PHF24: variants seen among roughly 807,000 people sequenced by gnomAD.
PHF24 encodes the protein PHD finger protein 24.
In PHF24, 25 loss-of-function variants were observed where a neutral mutation model predicts 42.6. The observed-to-expected ratio is 0.59, with a 90% CI of 0.43 to 0.82. The LOEUF (loss-of-function observed/expected upper bound fraction) is 0.82, where lower values mean the gene tolerates loss of function less well. PHF24 is among the 40% of genes least tolerant of loss of function. The pLI, the probability that PHF24 is intolerant of heterozygous loss-of-function variation, is 0.00. For missense variants in PHF24, 470 were observed against 538.1 expected (o/e 0.87, Z 1.25); for synonymous variants, 185 against 204.8 (o/e 0.90, Z 0.83).
exon 8 of PHF24, chr9:34,978,809 C>A: frequency 6.6e-6 from 1 of 152,324 alleles, no homozygotes. Flanking sequence ...AGAATCCTGA[C>A]TGGAAGAGGG....
At chr9:34,911,314 G>C in the PHF24 span, among the ~76,000 whole-genome samples, 1 of 151,950 alleles carries the variant, frequency 6.6e-6, no homozygotes, top group Admixed American at 6.5e-5. Flanking sequence ...GAGTGCAGTG[G>C]CATGATCTTG....
the PHF24 span, among the ~76,000 whole-genome samples, chr9:34,761,943 G>A: frequency 2.3e-4 from 35 of 151,900 alleles, no homozygotes; most frequent in African/African-American, 7.3e-4. Flanking sequence ...GAGAATATGC[G>A]GTGTTTGGTT....
chr9:34,700,367 G>C, the PHF24 span, among the ~76,000 whole-genome samples: 1 of 151,682 alleles, frequency 6.6e-6, no homozygotes, highest in African/African-American at 2.4e-5. Context: ...AGGAGATGAT[G>C]GTGCATGGAG....
At chr9:34,938,983 AT>A in the PHF24 span, among the ~76,000 whole-genome samples, 25 of 151,178 alleles carry the variant, frequency 1.7e-4, no homozygotes, top group East Asian at 4.1e-3. Context: ...TTAAAAAAAA[AT>A]AATATAATAA....
At chr9:34,880,245 C>T in the PHF24 span, among the ~76,000 whole-genome samples, 1 of 152,184 alleles carries the variant, frequency 6.6e-6, no homozygotes, top group Non-Finnish European at 1.5e-5. Flanking sequence ...ACTGCAAAAA[C>T]GTGCCAAATT....
chr9:34,723,526 G>T, the PHF24 span: 3 of 1,551,662 alleles, frequency 1.9e-6, no homozygotes, highest in African/African-American at 4.1e-5. Context: ...CCTTCGCAGC[G>T]GCTGAGAACA....
At chr9:34,773,811 G>A in the PHF24 span, among the ~76,000 whole-genome samples, 1 of 152,060 alleles carries the variant, frequency 6.6e-6, no homozygotes, top group Non-Finnish European at 1.5e-5. Context: ...TGTCAAGGTC[G>A]TAAAAAACAA....
At chr9:34,729,709 A>G in the PHF24 span, among the ~76,000 whole-genome samples, 2 of 152,092 alleles carry the variant, frequency 1.3e-5, no homozygotes, top group Admixed American at 6.5e-5. Context: ...CACTCCCTAT[A>G]CCAGCCTGAT....
the PHF24 span, chr9:34,728,084 T>G: frequency 3.2e-6 from 5 of 1,551,888 alleles, no homozygotes; most frequent in Non-Finnish European, 4.4e-6. Context: ...GTCTCCTAGC[T>G]GAGGAACGGG....
the PHF24 span, among the ~76,000 whole-genome samples, chr9:34,722,325 G>A: frequency 1.3e-3 from 201 of 152,254 alleles, 1 homozygote; most frequent in African/African-American, 4.5e-3. Context: ...CATTGTTTTT[G>A]TCCTAAATAA....
the PHF24 span, chr9:34,917,922 G>A: frequency 6.3e-7 from 1 of 1,587,154 alleles, no homozygotes; most frequent in Non-Finnish European, 8.7e-7. Flanking sequence ...CTGGAATGGT[G>A]CAGGCTGCCA....
At chr9:34,818,922 C>A in the PHF24 span, among the ~76,000 whole-genome samples, 1 of 152,074 alleles carries the variant, frequency 6.6e-6, no homozygotes, top group Non-Finnish European at 1.5e-5. Context: ...CTGGTAAGAC[C>A]ATCTGGGTCT....
chr9:34,817,810 TA>T, the PHF24 span, among the ~76,000 whole-genome samples: 2 of 152,232 alleles, frequency 1.3e-5, no homozygotes, highest in Non-Finnish European at 2.9e-5. Context: ...AAGTTCTTTT[TA>T]AAAGTGAGAA....
At chr9:34,851,023 C>T in the PHF24 span, among the ~76,000 whole-genome samples, 3 of 152,130 alleles carry the variant, frequency 2.0e-5, no homozygotes, top group Non-Finnish European at 1.5e-5. Context: ...GGGGTGCCTC[C>T]CAGTTAGGCT....
chr9:34,774,261 C>A, the PHF24 span, among the ~76,000 whole-genome samples: 1 of 152,114 alleles, frequency 6.6e-6, no homozygotes, highest in African/African-American at 2.4e-5. Context: ...TCATCAAAAT[C>A]AAAAACTTTT....
At chr9:34,840,167 G>A in the PHF24 span, among the ~76,000 whole-genome samples, 1 of 152,080 alleles carries the variant, frequency 6.6e-6, no homozygotes, top group African/African-American at 2.4e-5. Context: ...TAGATTAATT[G>A]ATTTTTTAAA....
At chr9:34,763,323 C>T in the PHF24 span, among the ~76,000 whole-genome samples, 6 of 152,168 alleles carry the variant, frequency 3.9e-5, no homozygotes, top group Non-Finnish European at 8.8e-5. Context: ...ATTCTTCCTA[C>T]CCATGAGCAT....
chr9:34,873,242 C>CCTTTGCTTTTGGTGTTTTAGA, the PHF24 span, among the ~76,000 whole-genome samples: 2 of 151,974 alleles, frequency 1.3e-5, no homozygotes, highest in African/African-American at 4.8e-5. Flanking sequence ...GCTTTTGTTG[C>CCTTTGCTTTTGGTGTTTTAGA]CTTTGCTTTT....
chr9:34,955,125 C>T (rs1260857687), upstream of PHF24, among the ~76,000 whole-genome samples: 2 of 152,194 alleles, frequency 1.3e-5, no homozygotes, highest in Admixed American at 1.3e-4. Context: ...CCTCTCACCT[C>T]GCTCTCATAA....
Sources: gnomAD v4.1 joint callset for allele counts (sites outside exome capture counted in the v4.1 genomes callset) on GRCh38, gnomAD v4.1.1 for gene constraint, MANE v1.5 for transcripts, NCBI Gene and HGNC (gene_info 2026-07-23, HGNC 2026-07-21) for gene names.